The following ENOX2 variants were observed in gnomAD, a reference collection of about 807,000 sequenced individuals.
ENOX2 encodes APK1 antigen.
A neutral mutation model predicts 45.0 loss-of-function variants in ENOX2; 36 were observed. The observed-to-expected ratio is 0.80, with a 90% confidence interval of 0.61 to 1.06. ENOX2 has a LOEUF of 1.06. ENOX2 is among the 50% of genes least tolerant of loss of function. The pLI is 0.00. For missense variants in ENOX2, 423 were observed against 462.5 expected (o/e 0.91, Z 0.78); for synonymous variants, 174 against 152.3 (o/e 1.14, Z -1.05).
At position 130,794,842 on chromosome X, in the gene ENOX2, G is replaced by C. The variant is rs894152282; in HGVS notation, c.-182-11152C>G. On this transcript the variant is annotated intron_variant, in intron 2 of 14. Coordinates refer to ENST00000394363, the MANE Select transcript of ENOX2 (RefSeq NM_006375.4). Reference sequence around the variant, plus strand: ...CAGATTTCCTTTCTTTGTTTATTCAGCCTTCATTAACTATTTATCCAATCA... The same window carrying C: ...CAGATTTCCTTTCTTTGTTTATTCACCCTTCATTAACTATTTATCCAATCA... Among the ~76,000 whole-genome samples the C allele has an allele frequency of 6.2e-5, 7 of 112,110 alleles. No homozygotes were observed. In the Admixed American group the frequency reaches 6.6e-4, roughly 11 times the overall value.
Position 130,625,433 on chromosome X carries a change from C to T in ENOX2, c.1627G>A (p.Asp543Asn), listed in dbSNP as rs777204368. ...AGTCTACCCATGAGACACTCCACAT[C>T]GCTGGTGCAGATCTGTGGGACAGAG... is the stretch of plus-strand genomic sequence containing the variant. ...HRLDNKICTS[D>N]VECLMGRLQH... Residue 543 changes from aspartate (D) to asparagine (N), a missense_variant, in exon 15 of 15, where the codon GAT (aspartate) becomes AAT (asparagine). Asp to Asn is a conservative substitution (Grantham distance 23, BLOSUM62 1). This residue lies in a region of ENOX2 where 34 missense variants were observed against 31.3 expected (regional missense o/e 1.09). Coordinates refer to ENST00000394363, the MANE Select transcript of ENOX2 (RefSeq NM_006375.4). 8 of 1,209,049 alleles carry T rather than the reference C, an allele frequency of 6.6e-6. No homozygotes were observed. The highest frequency in any genetic ancestry group is 2.3e-4 in the Middle Eastern group (1 of 4,306).
chrX:130,665,653 T>G lies in ENOX2; in HGVS notation c.1004A>C (p.Lys335Thr). The change falls in exon 9 of 15, where the codon AAA becomes ACA. Residue 335 changes from lysine (K) to threonine (T), a missense_variant. Coordinates refer to ENST00000394363, the MANE Select transcript of ENOX2 (RefSeq NM_006375.4). ...AQRKNISVWCKQAEEIRNIHN... is the reference protein window; with the variant it reads ...AQRKNISVWCTQAEEIRNIHN... ...TAAAAAGTTACCAACCTCAGCTTGT[T>G]TGCACCACACGCTGATGTTCTTCCG... The G allele has an allele frequency of 8.4e-7, 1 of 1,197,573 alleles. No homozygotes were observed. The highest frequency in any genetic ancestry group is 1.1e-6 in the Non-Finnish European group (1 of 885,624).
At chrX:130,881,620 C>A (rs144952000) in intron 2 of ENOX2, among the ~76,000 whole-genome samples, 1 of 111,646 alleles carries the variant, frequency 9.0e-6, no homozygotes, top group East Asian at 2.8e-4. Flanking sequence ...TTACATATAC[C>A]GATTTCTTTT....
At chrX:130,821,741 T>TAAAAAAAAA (rs1569505783) in intron 2 of ENOX2, among the ~76,000 whole-genome samples, 4 of 24,194 alleles carry the variant, frequency 1.7e-4, no homozygotes, top group Admixed American at 4.8e-4. Flanking sequence ...AATAAATAAA[T>TAAAAAAAAA]TAAAAAAAAA....
At chrX:130,683,177 TG>T (rs986547672) in intron 5 of ENOX2, among the ~76,000 whole-genome samples, 43 of 112,223 alleles carry the variant, frequency 3.8e-4, no homozygotes, top group African/African-American at 1.3e-3. Flanking sequence ...GAGTCATTGC[TG>T]ATCTTTGAGA....
At chrX:130,714,583 A>C (rs2038279031) in intron 3 of ENOX2, among the ~76,000 whole-genome samples, 1 of 111,807 alleles carries the variant, frequency 8.9e-6, no homozygotes, top group Non-Finnish European at 1.9e-5. Context: ...CAACATAGGT[A>C]ATCAATATGT....
At chrX:130,758,029 G>A (rs2039394636) in intron 3 of ENOX2, among the ~76,000 whole-genome samples, 1 of 112,284 alleles carries the variant, frequency 8.9e-6, no homozygotes, top group Admixed American at 9.4e-5. Flanking sequence ...GTTGTTATGA[G>A]AAGTAAAGCA....
chrX:130,892,825 A>T (rs998632648), intron 2 of ENOX2, among the ~76,000 whole-genome samples: 2 of 112,673 alleles, frequency 1.8e-5, no homozygotes, highest in Non-Finnish European at 3.7e-5. Context: ...TGATATGCAT[A>T]AAAAAATTTT....
chrX:130,752,498 T>C (rs116550640), intron 3 of ENOX2, among the ~76,000 whole-genome samples: 2,460 of 110,327 alleles, frequency 0.022, 63 homozygotes, highest in African/African-American at 0.076. Flanking sequence ...TCCCTTTCTG[T>C]CTCTCTAAGT....
chrX:130,627,925 C>G, intron 14 of ENOX2, 33 bp downstream of exon 14: 1 of 1,027,343 alleles, frequency 9.7e-7, no homozygotes, highest in South Asian at 1.9e-5. Context: ...AATCCCACAT[C>G]CCCTTGCATC....
chrX:130,625,674 G>C (rs1455234859), intron 14 of ENOX2, among the ~76,000 whole-genome samples: 1 of 111,332 alleles, frequency 9.0e-6, no homozygotes, highest in Non-Finnish European at 1.9e-5. Flanking sequence ...ATTGGAAAGA[G>C]CTGGGGTCAG....
At chrX:130,647,336 G>A (rs994878791) in intron 10 of ENOX2, among the ~76,000 whole-genome samples, 2 of 112,200 alleles carry the variant, frequency 1.8e-5, no homozygotes, top group Non-Finnish European at 3.8e-5. Flanking sequence ...CTTTGGGGGC[G>A]CAATAGGTAT....
At chrX:130,896,626 G>C (rs965043464) in intron 2 of ENOX2, among the ~76,000 whole-genome samples, 1 of 111,992 alleles carries the variant, frequency 8.9e-6, no homozygotes, top group Admixed American at 9.4e-5. Context: ...ATCGAATGAA[G>C]TGAAACCCTA....
intron 6 of ENOX2, among the ~76,000 whole-genome samples, chrX:130,677,421 G>T (rs749773029): frequency 8.9e-6 from 1 of 112,147 alleles, no homozygotes; most frequent in East Asian, 2.8e-4. Flanking sequence ...AGAGTTTACA[G>T]AAAAAAGATG....
chrX:130,626,222 C>T (rs1357398411), intron 14 of ENOX2, among the ~76,000 whole-genome samples: 1 of 111,922 alleles, frequency 8.9e-6, no homozygotes. Context: ...GTTGCTAAGG[C>T]GGAGCTAGGC....
intron 2 of ENOX2, among the ~76,000 whole-genome samples, chrX:130,792,718 G>A (rs903268665): frequency 2.7e-5 from 3 of 111,721 alleles, no homozygotes; most frequent in Non-Finnish European, 3.8e-5. Context: ...ACTTGAACCC[G>A]GGTGGCGGAG....
chrX:130,887,281 G>A (rs1256281195), intron 2 of ENOX2, among the ~76,000 whole-genome samples: 2 of 111,493 alleles, frequency 1.8e-5, no homozygotes, highest in East Asian at 5.6e-4. Flanking sequence ...CCTATCGTGA[G>A]TTATTCTCTC....
Position 130,667,587 on chromosome X carries a change from C to G in ENOX2, c.850G>C (p.Asp284His). The change falls in exon 8 of 15, where the codon GAT becomes CAT. Residue 284 changes from aspartate to histidine, a missense_variant. Transcript: ENST00000394363. ...AACTTCTCCTTTGCTTCTTCCATATCTTTCTCATGGGCAGCTTTCTCGTTC... is the reference window on the plus strand; with the variant it reads ...AACTTCTCCTTTGCTTCTTCCATATGTTTCTCATGGGCAGCTTTCTCGTTC... ...LVNEKAAHEKDMEEAKEKFKQ... is the reference protein window; with the variant it reads ...LVNEKAAHEKHMEEAKEKFKQ... 8.3e-7 allele frequency: 1 copy of G among 1,211,622 alleles called. No homozygotes were observed. Among genetic ancestry groups the G allele is most frequent in the Admixed American group, 2.2e-5 (1 of 46,022 alleles).
intron 14 of ENOX2, among the ~76,000 whole-genome samples, chrX:130,627,406 C>G (rs2035574879): frequency 9.0e-6 from 1 of 111,196 alleles, no homozygotes; most frequent in Admixed American, 9.5e-5. Context: ...CACGGCAAAA[C>G]CCTGTTTCTA....
Sources: gnomAD v4.1 joint callset for allele counts (sites outside exome capture counted in the v4.1 genomes callset) on GRCh38, gnomAD v4.1.1 for gene constraint, gnomAD v4.1.1 regional missense constraint, MANE v1.5 for transcripts, NCBI Gene and HGNC (gene_info 2026-07-23, HGNC 2026-07-21) for gene names.